Variants in SLIT2 observed in about 807,000 individuals in gnomAD.
SLIT2 encodes the protein slit guidance ligand 2, also known as slit homolog 2 protein.
Under a neutral mutation model 185.7 loss-of-function variants are expected in SLIT2, and 41 were observed. That is an observed-to-expected ratio of 0.22 (90% confidence interval 0.17 to 0.29). The LOEUF is 0.29. Ranked by LOEUF, SLIT2 falls within the 10% of genes least tolerant of loss-of-function variation. SLIT2 has a pLI of 1.00. For missense variants in SLIT2, 1,571 were observed against 1,909.0 expected (o/e 0.82, Z 3.30); for synonymous variants, 693 against 680.2 (o/e 1.02, Z -0.29).
chr4:20,573,228 T>G (rs1356616922), intron 29 of SLIT2: 1 of 702,980 alleles, frequency 1.4e-6, no homozygotes, highest in Non-Finnish European at 2.6e-6. Flanking sequence ...TCTTTGTCGC[T>G]GCCAGCTGCT....
intron 4 of SLIT2, among the ~76,000 whole-genome samples, chr4:20,455,296 T>G (rs1281422421): frequency 2.0e-5 from 3 of 152,142 alleles, no homozygotes; most frequent in Admixed American, 6.6e-5. Flanking sequence ...CAATATAATC[T>G]AATGTCTAGA....
At chr4:20,515,021 A>T (rs1057504356) in intron 11 of SLIT2, among the ~76,000 whole-genome samples, 22 of 152,264 alleles carry the variant, frequency 1.4e-4, no homozygotes, top group African/African-American at 5.3e-4. Flanking sequence ...TTTTCTGCTT[A>T]TTACTTGGAA....
chr4:20,519,482 G>T (rs767593765), intron 12 of SLIT2, 29 bp downstream of exon 12: 1 of 1,333,396 alleles, frequency 7.5e-7, no homozygotes. Context: ...TGGATCTCTC[G>T]AGCCTAATAA....
rs55968903 is a variant in SLIT2 at position 20,472,554 on chromosome 4, A to C, written c.467+4731A>C. On this transcript the variant is annotated intron_variant, in intron 5 of 36. Coordinates refer to ENST00000504154, the MANE Select transcript of SLIT2 (RefSeq NM_004787.4). The stretch of plus-strand genomic sequence containing the variant: ...TATAGATATATCTATATCTATATAT[A>C]GATATATATCTATATATAGATATAT... 2.5e-3 allele frequency among the ~76,000 whole-genome samples: 33 copies of C among 13,176 alleles called. 6 individuals carry two copies. In the East Asian group the frequency reaches 0.038, roughly 15 times the overall value. The allele number at this position is 13,176 out of a possible 152,430, so 8.6% of individuals were successfully genotyped here.
Position 20,550,887 on chromosome 4 carries a change from A to T in SLIT2, c.2550A>T (p.Ala850=). The stretch of plus-strand genomic sequence containing the variant: ...AAGGTGCTTTCAATGATCTTTCTGC[A>T]TTATCACATCTGTGAGTACCTAGTT... The part of the protein sequence containing the change: ...VPEGAFNDLS[A]LSHLAIGANP... The change falls in exon 25 of 37, where the codon GCA becomes GCT. Residue 850 remains alanine (A), a synonymous_variant. Transcript: ENST00000504154. 6.3e-7 allele frequency: 1 copy of T among 1,595,476 alleles called. No homozygotes were observed. Among genetic ancestry groups the T allele is most frequent in the Non-Finnish European group, 8.6e-7 (1 of 1,164,076 alleles).
intron 36 of SLIT2, 80 bp downstream of exon 36, chr4:20,617,730 A>AT: frequency 1.4e-6 from 1 of 722,732 alleles, no homozygotes; most frequent in Admixed American, 3.4e-5. Flanking sequence ...AGGGAGAAAA[A>AT]GTGAAAAAAA....
chr4:20,417,137 C>G (rs532323481), intron 4 of SLIT2, among the ~76,000 whole-genome samples: 22 of 152,062 alleles, frequency 1.4e-4, no homozygotes, highest in Non-Finnish European at 3.1e-4. Flanking sequence ...ATTAGGAGAT[C>G]AGCATGTATG....
chr4:20,499,919 T>C (rs1184709471), intron 9 of SLIT2, among the ~76,000 whole-genome samples: 3 of 152,216 alleles, frequency 2.0e-5, no homozygotes, highest in African/African-American at 7.2e-5. Context: ...GATTAGCATG[T>C]ATTTAGTAAT....
intron 29 of SLIT2, among the ~76,000 whole-genome samples, chr4:20,583,811 AAAT>A (rs1394060998): frequency 6.6e-6 from 1 of 151,688 alleles, no homozygotes; most frequent in South Asian, 2.1e-4. Context: ...TCCATCACAA[AAAT>A]AATAATAATA....
At chr4:20,466,970 A>G (rs1490791709) in intron 4 of SLIT2, among the ~76,000 whole-genome samples, 1 of 152,164 alleles carries the variant, frequency 6.6e-6, no homozygotes, top group African/African-American at 2.4e-5. Context: ...GGCTAATAAT[A>G]CTATGTGAGC....
In SLIT2 at chr4:20,543,602, G is replaced by T. The variant is rs1186598244; in HGVS notation, c.2276+976G>T. On this transcript the variant is annotated intron_variant, in intron 21 of 36. Coordinates refer to ENST00000504154, the MANE Select transcript of SLIT2 (RefSeq NM_004787.4). ...GCACACACATATTCCAAATGAGCAG[G>T]TTTGACAAACTTTTGACAGTGTGCA... Among the ~76,000 whole-genome samples, 3 of 152,292 alleles carry T rather than the reference G, an allele frequency of 2.0e-5. No individual in the cohort carries two copies. The South Asian group carries it at 6.2e-4, about 32-fold the overall frequency.
rs971459962 is a variant in SLIT2, at chr4:20,252,673, T to C, written c.-1143T>C. Among the ~76,000 whole-genome samples the C allele has an allele frequency of 2.0e-5, 3 of 152,192 alleles. No individual in the cohort carries two copies. The highest frequency in any genetic ancestry group is 1.3e-4 in the Admixed American group (2 of 15,286). On this transcript the variant is annotated 5_prime_UTR_variant, in exon 1 of 37. Transcript: ENST00000504154. ...GTGTCTGCCGCGGAGCTGCGGCTTA[T>C]CTGGGAGACGAGCGGGGTTGACACG...
At chr4:20,512,365 TAAAAAC>T (rs1172329231) in intron 11 of SLIT2, among the ~76,000 whole-genome samples, 8 of 152,252 alleles carry the variant, frequency 5.3e-5, no homozygotes, top group South Asian at 2.1e-4. Context: ...TTAGTCTGTT[TAAAAAC>T]AAAAACAAAA....
Position 20,619,977 on chromosome 4 carries a change from T to G in SLIT2, c.*968T>G, listed in dbSNP as rs2148994634. 1.3e-5 allele frequency: 2 copies of G among 153,144 alleles called. No individual in the cohort carries two copies. The highest frequency in any genetic ancestry group is 4.1e-4 in the South Asian group (2 of 4,880). The allele number at this position is 153,144 out of a possible 1,614,324, so 9.5% of individuals were successfully genotyped here. A position where few individuals can be genotyped will look rare whatever the true frequency, so the allele number is the denominator to read the frequency against. ...TTATCTTGGGATACATATGTATTGGTCTGTTTGTTGACCTTGACATCTGAT... is the reference window on the plus strand; with the variant it reads ...TTATCTTGGGATACATATGTATTGGGCTGTTTGTTGACCTTGACATCTGAT... On this transcript the variant is annotated 3_prime_UTR_variant, in exon 37 of 37. Transcript: ENST00000504154.
intron 14 of SLIT2, among the ~76,000 whole-genome samples, chr4:20,524,767 A>G (rs2148850531): frequency 6.7e-6 from 1 of 149,888 alleles, no homozygotes; most frequent in African/African-American, 2.4e-5. Context: ...AAAAAGCTAA[A>G]TATGAATGCA....
At chr4:20,402,999 A>G (rs1726478544) in intron 4 of SLIT2, among the ~76,000 whole-genome samples, 1 of 151,852 alleles carries the variant, frequency 6.6e-6, no homozygotes. Context: ...AGTGCATTTA[A>G]TAATCATATC....
In SLIT2 at chr4:20,596,624, A is replaced by C; in HGVS notation, c.3530A>C (p.Lys1177Thr). Residue 1177 changes from lysine to threonine, a missense_variant, in exon 32 of 37, where the codon AAG (lysine) becomes ACG (threonine). Lys to Thr is a moderately conservative substitution (Grantham distance 78, BLOSUM62 -1). Coordinates refer to ENST00000504154, the MANE Select transcript of SLIT2 (RefSeq NM_004787.4). ...TCTTATCTTCAGATTCCTTCAGCCA[A>C]GGTTCGGCCTCAGACGAACATAACA... The part of the protein sequence containing the change: ...KESYLQIPSA[K>T]VRPQTNITLQ... 1.2e-6 allele frequency: 2 copies of C among 1,613,832 alleles called. No homozygotes were observed. Among genetic ancestry groups the C allele is most frequent in the South Asian group, 1.1e-5 (1 of 91,088 alleles).
chr4:20,539,622 C>T (rs1722621119), intron 19 of SLIT2, 38 bp downstream of exon 19: 4 of 1,375,592 alleles, frequency 2.9e-6, no homozygotes, highest in Admixed American at 2.1e-5. Context: ...TTACTTGAGC[C>T]ATTTATTATA....
rs1491249447 is a variant in SLIT2 at position 20,472,602 on chromosome 4, A to ATCTAGATATATCGATATATATC, written c.467+4779_467+4780insTCTAGATATATCGATATATATC. ...TATCTATATATAGATATATATCTAT[A>ATCTAGATATATCGATATATATC]GATATATCTATATATATCGATATAT... On this transcript the variant is annotated intron_variant, in intron 5 of 36. Coordinates refer to ENST00000504154, the MANE Select transcript of SLIT2 (RefSeq NM_004787.4). 1.4e-4 allele frequency among the ~76,000 whole-genome samples: 2 copies of ATCTAGATATATCGATATATATC among 14,764 alleles called. 1 individual carries two copies. The highest frequency in any genetic ancestry group is 2.3e-4 in the Non-Finnish European group (2 of 8,870). The allele number at this position is 14,764 out of a possible 152,430, so 9.7% of individuals were successfully genotyped here. A position where few individuals can be genotyped will look rare whatever the true frequency, so the allele number is the denominator to read the frequency against.
Sources: gnomAD v4.1 joint callset for allele counts (sites outside exome capture counted in the v4.1 genomes callset) on GRCh38, gnomAD v4.1.1 for gene constraint, MANE v1.5 for transcripts, NCBI Gene and HGNC (gene_info 2026-07-23, HGNC 2026-07-21) for gene names.